Variants in ADAMTSL1 observed in about 807,000 individuals in gnomAD.
The protein encoded by ADAMTSL1 is ADAMTS-like protein 1.
ADAMTSL1 carries 126 observed loss-of-function variants against 201.8 expected under a neutral mutation model. That is an observed-to-expected ratio of 0.62 (90% CI 0.54 to 0.72). The LOEUF (loss-of-function observed/expected upper bound fraction) is 0.72, where lower values mean the gene tolerates loss of function less well. Among genes scored for constraint, ADAMTSL1 ranks in the 30% least tolerant of loss-of-function variants. ADAMTSL1 has a pLI of 0.00. For synonymous variants in ADAMTSL1, 1,121 were observed against 903.4 expected (o/e 1.24, Z -4.32); for missense variants, 2,679 against 2,277.8 (o/e 1.18, Z -3.59).
chr9:18,233,443 C>T (rs986984825), intron 2 of ADAMTSL1, among the ~76,000 whole-genome samples: 16 of 152,180 alleles, frequency 1.1e-4, no homozygotes, highest in African/African-American at 3.9e-4. Flanking sequence ...AGTCTACATG[C>T]TTATGGTGCA....
intron 13 of ADAMTSL1, 94 bp downstream of exon 13, chr9:18,684,894 C>A: frequency 6.7e-7 from 1 of 1,481,812 alleles, no homozygotes; most frequent in Non-Finnish European, 9.0e-7. Flanking sequence ...GGGTTCTGAA[C>A]TAAGTGTAAT....
chr9:18,533,342 A>C, intron 3 of ADAMTSL1, 50 bp downstream of exon 3: 1 of 1,503,512 alleles, frequency 6.7e-7, no homozygotes, highest in Non-Finnish European at 9.2e-7. Flanking sequence ...TTAGCACTGA[A>C]TGGTGCTAAG....
intron 15 of ADAMTSL1, among the ~76,000 whole-genome samples, chr9:18,735,447 C>CCA (rs1453087378): frequency 6.6e-6 from 1 of 152,178 alleles, no homozygotes; most frequent in Non-Finnish European, 1.5e-5. Context: ...TTTCAGAGCC[C>CCA]CACTATCTGA....
chr9:18,256,911 A>G (rs1831710837), intron 2 of ADAMTSL1, among the ~76,000 whole-genome samples: 1 of 152,126 alleles, frequency 6.6e-6, no homozygotes, highest in Non-Finnish European at 1.5e-5. Flanking sequence ...ACTGACTTTT[A>G]CCCCTCTTCT....
intron 4 of ADAMTSL1, among the ~76,000 whole-genome samples, chr9:18,582,863 T>TAAAATAAAATAAAATA (rs201292243): frequency 1.4e-5 from 2 of 147,722 alleles, no homozygotes; most frequent in East Asian, 3.9e-4. Flanking sequence ...TAAAATAAAA[T>TAAAATAAAATAAAATA]AAATAAAATA....
At chr9:18,713,042 C>A (rs1765975007) in intron 14 of ADAMTSL1, among the ~76,000 whole-genome samples, 1 of 151,642 alleles carries the variant, frequency 6.6e-6, no homozygotes, top group Non-Finnish European at 1.5e-5. Flanking sequence ...TACAGACAAG[C>A]AAATGCTGAG....
At chr9:18,825,284 G>A (rs1164913532) in intron 21 of ADAMTSL1, among the ~76,000 whole-genome samples, 1 of 152,196 alleles carries the variant, frequency 6.6e-6, no homozygotes, top group African/African-American at 2.4e-5. Context: ...GGTCCCTAGA[G>A]CACAGAGCCT....
intron 17 of ADAMTSL1, 97 bp downstream of exon 17, chr9:18,770,878 A>G (rs1820652744): frequency 2.4e-6 from 3 of 1,233,456 alleles, no homozygotes; most frequent in South Asian, 1.5e-5. Context: ...GAACAAAACA[A>G]TCTTCCTAAT....
chr9:18,580,095 A>G (rs949825292), intron 4 of ADAMTSL1, among the ~76,000 whole-genome samples: 3 of 152,212 alleles, frequency 2.0e-5, no homozygotes, highest in African/African-American at 7.2e-5. Context: ...ATGAATCTGC[A>G]TATTTATAAT....
intron 20 of ADAMTSL1, among the ~76,000 whole-genome samples, chr9:18,800,680 G>A (rs1822738673): frequency 6.6e-6 from 1 of 152,142 alleles, no homozygotes; most frequent in Non-Finnish European, 1.5e-5. Flanking sequence ...GGTCCAAGTT[G>A]GCACATCTCA....
chr9:18,053,928 T>C (rs1822054675), intron 1 of ADAMTSL1, among the ~76,000 whole-genome samples: 1 of 152,242 alleles, frequency 6.6e-6, no homozygotes. Context: ...CCTTTCACTG[T>C]GTAGGACATC....
intron 4 of ADAMTSL1, among the ~76,000 whole-genome samples, chr9:18,588,724 C>T (rs1823686356): frequency 6.6e-6 from 1 of 151,604 alleles, no homozygotes; most frequent in African/African-American, 2.4e-5. Context: ...ATTCCTTCCC[C>T]AGTGCATATT....
chr9:18,776,963 G>T lies in ADAMTSL1; in HGVS notation c.2734G>T (p.Glu912Ter). The T allele has an allele frequency of 6.3e-7, 1 of 1,598,204 alleles. No homozygotes were observed. ...RRVRKPLITW[E>*]KDGQHLISST... ...GGTCCGCAAGCCCCTCATCACCTGG[G>T]AGAAGGACGGCCAGCACCTCATCAG... The change falls in exon 19 of 29, where the codon GAG becomes TAG. Residue 912 changes from glutamate (E) to a stop codon, truncating the protein, a stop_gained. Transcript: ENST00000380548. LOFTEE classifies it high-confidence loss of function.
chr9:18,705,872 C>T (rs569587392), intron 13 of ADAMTSL1, among the ~76,000 whole-genome samples: 1 of 152,260 alleles, frequency 6.6e-6, no homozygotes, highest in East Asian at 1.9e-4. Context: ...ATAAGAATAG[C>T]CAGCAACTTG....
intron 2 of ADAMTSL1, among the ~76,000 whole-genome samples, chr9:18,240,244 A>G (rs1831010900): frequency 6.6e-6 from 1 of 152,216 alleles, no homozygotes; most frequent in African/African-American, 2.4e-5. Flanking sequence ...ATGTTGTATT[A>G]GCAGGCATGG....
chr9:18,404,863 C>T (rs898652210), intron 2 of ADAMTSL1, among the ~76,000 whole-genome samples: 2 of 152,096 alleles, frequency 1.3e-5, no homozygotes, highest in African/African-American at 4.8e-5. Context: ...CCTTTTATTC[C>T]ACTTCCCCTT....
chr9:18,557,047 C>G (rs1821150526), intron 3 of ADAMTSL1, among the ~76,000 whole-genome samples: 1 of 151,916 alleles, frequency 6.6e-6, no homozygotes, highest in Non-Finnish European at 1.5e-5. Context: ...GTGACAGGGT[C>G]ATTAAACTCT....
intron 15 of ADAMTSL1, among the ~76,000 whole-genome samples, chr9:18,749,972 G>A (rs1819371178): frequency 6.6e-6 from 1 of 152,184 alleles, no homozygotes; most frequent in Admixed American, 6.5e-5. Flanking sequence ...GGCAGAGTTT[G>A]GGGAAGTGAG....
At chr9:18,095,201 A>G (rs1256698825) in intron 1 of ADAMTSL1, among the ~76,000 whole-genome samples, 2 of 152,112 alleles carry the variant, frequency 1.3e-5, no homozygotes, top group Admixed American at 6.5e-5. Context: ...TCTTACACAC[A>G]TGCTCTGATG....
Sources: allele counts gnomAD v4.1 joint callset (sites outside exome capture counted in the v4.1 genomes callset), GRCh38; gene constraint gnomAD v4.1.1; transcripts MANE v1.5; gene names NCBI Gene and HGNC (gene_info 2026-07-23, HGNC 2026-07-21).